Variants in FGF12 observed in about 807,000 individuals in gnomAD.
FGF12 encodes the protein fibroblast growth factor 12B.
In FGF12, 14 loss-of-function variants were observed where a neutral mutation model predicts 23.6. The observed-to-expected ratio is 0.59, with a 90% confidence interval of 0.39 to 0.93. The LOEUF (loss-of-function observed/expected upper bound fraction) is 0.93. Ranked by LOEUF, FGF12 falls within the 40% of genes least tolerant of loss-of-function variation. FGF12 has a pLI of 0.00. For synonymous variants in FGF12, 62 were observed against 77.3 expected, an observed-to-expected ratio of 0.80 and a Z score of 1.04; for missense variants, 175 against 217.8, an observed-to-expected ratio of 0.80 and a Z score of 1.24.
At position 192,715,059 on chromosome 3, in the gene FGF12, C is replaced by T. The variant is rs147342451; in HGVS notation, c.13+12122G>A. ...TTCTGGCCCTGACAGTGTTCTTGTA[C>T]GTATATCTTGCTTTGCACAGTAGAT... On this transcript the variant is annotated intron_variant, in intron 2 of 5. Coordinates refer to ENST00000445105, the MANE Select transcript of FGF12 (RefSeq NM_004113.6). Among the ~76,000 whole-genome samples, 173 of 152,190 alleles carry T rather than the reference C, an allele frequency of 1.1e-3. 1 individual carries two copies. The East Asian group carries it at 0.016, about 14-fold the overall frequency.
intron 4 of FGF12, among the ~76,000 whole-genome samples, chr3:192,301,966 C>A (rs1336217409): frequency 6.6e-6 from 1 of 152,126 alleles, no homozygotes; most frequent in Non-Finnish European, 1.5e-5. Flanking sequence ...TCTCTTACAC[C>A]TTTTGCCATG....
At chr3:192,182,115 C>A (rs1262623667) in intron 4 of FGF12, among the ~76,000 whole-genome samples, 1 of 152,012 alleles carries the variant, frequency 6.6e-6, no homozygotes, top group African/African-American at 2.4e-5. Context: ...TGGATACTGG[C>A]ACATATAAAC....
chr3:192,298,348 G>A lies in FGF12; in HGVS notation c.228+37013C>T, dbSNP rs199754540. Among the ~76,000 whole-genome samples, 8 of 152,320 alleles carry A rather than the reference G, an allele frequency of 5.3e-5. No homozygotes were observed. The East Asian group carries it at 1.4e-3, about 26-fold the overall frequency. ...ATTAAAGACAACAATAGAAGAACAG[G>A]AAGGTCGGAGAACAAAAGAAGAAAG... On this transcript the variant is annotated intron_variant, in intron 4 of 5. Transcript: ENST00000445105.
intron 2 of FGF12, among the ~76,000 whole-genome samples, chr3:192,429,783 C>T (rs1028098684): frequency 2.6e-5 from 3 of 115,320 alleles, no homozygotes; most frequent in South Asian, 3.0e-4. Flanking sequence ...TATCTCTTAA[C>T]GCCATTCTGG....
chr3:192,666,979 T>C (rs556929423), intron 2 of FGF12, among the ~76,000 whole-genome samples: 1 of 151,938 alleles, frequency 6.6e-6, no homozygotes, highest in Non-Finnish European at 1.5e-5. Context: ...CATCATAATA[T>C]AATCTTCACC....
intron 2 of FGF12, among the ~76,000 whole-genome samples, chr3:192,495,036 T>TG (rs1265713940): frequency 1.3e-5 from 2 of 152,070 alleles, no homozygotes; most frequent in Non-Finnish European, 2.9e-5. Flanking sequence ...AATTTTTGTA[T>TG]TTTTAGTAGA....
chr3:192,223,844 C>T (rs2108575816), intron 4 of FGF12, among the ~76,000 whole-genome samples: 1 of 152,112 alleles, frequency 6.6e-6, no homozygotes, highest in Non-Finnish European at 1.5e-5. Flanking sequence ...TTATATCATT[C>T]ACTATGACTA....
intron 2 of FGF12, among the ~76,000 whole-genome samples, chr3:192,630,442 A>G (rs1259518085): frequency 6.6e-6 from 1 of 152,208 alleles, no homozygotes; most frequent in Admixed American, 6.5e-5. Flanking sequence ...GCTAAAAAAA[A>G]AAAATTACCC....
chr3:192,551,393 C>G (rs9810743), intron 2 of FGF12, among the ~76,000 whole-genome samples: 1 of 152,106 alleles, frequency 6.6e-6, no homozygotes, highest in African/African-American at 2.4e-5. Flanking sequence ...AGGTTGCCCT[C>G]AGGCCCTTGG....
intron 4 of FGF12, among the ~76,000 whole-genome samples, chr3:192,175,333 G>C (rs1346915484): frequency 6.6e-6 from 1 of 152,108 alleles, no homozygotes; most frequent in Admixed American, 6.6e-5. Flanking sequence ...TATCTCATGA[G>C]TGTTTCTTTT....
At chr3:192,547,272 T>C (rs1482874454) in intron 2 of FGF12, among the ~76,000 whole-genome samples, 1 of 152,236 alleles carries the variant, frequency 6.6e-6, no homozygotes, top group Non-Finnish European at 1.5e-5. Context: ...AGTGTAAATG[T>C]ATCCATCAGC....
Position 192,406,814 on chromosome 3 carries a change from TTCC to T in FGF12, c.14-46279_14-46277del, listed in dbSNP as rs1720974347. ...AATTCTGAGCCCGACTTGTCCAGAC[TTCC>T]CAAGTGTCGCCCTTCATCCAATGGA... On this transcript the variant is annotated intron_variant, in intron 2 of 5. Transcript: ENST00000445105. Among the ~76,000 whole-genome samples the T allele has an allele frequency of 1.3e-5, 2 of 152,174 alleles. 1 individual carries two copies. Among genetic ancestry groups the T allele is most frequent in the South Asian group, 4.1e-4 (2 of 4,824 alleles).
chr3:192,486,274 G>A (rs1343449606), intron 2 of FGF12, among the ~76,000 whole-genome samples: 1 of 152,074 alleles, frequency 6.6e-6, no homozygotes, highest in Non-Finnish European at 1.5e-5. Flanking sequence ...ACTCAAATGA[G>A]TGAGACAGAT....
intron 2 of FGF12, among the ~76,000 whole-genome samples, chr3:192,469,125 G>T (rs1193318018): frequency 6.6e-6 from 1 of 152,058 alleles, no homozygotes; most frequent in African/African-American, 2.4e-5. Flanking sequence ...TCATTTTTTA[G>T]TATCACAAGA....
intron 2 of FGF12, among the ~76,000 whole-genome samples, chr3:192,512,426 T>A (rs890331064): frequency 6.6e-6 from 1 of 152,080 alleles, no homozygotes; most frequent in Non-Finnish European, 1.5e-5. Flanking sequence ...TGGTGTATAG[T>A]AGGCTTAAAG....
intron 2 of FGF12, among the ~76,000 whole-genome samples, chr3:192,511,956 A>T (rs1488705865): frequency 6.6e-6 from 1 of 152,210 alleles, no homozygotes; most frequent in African/African-American, 2.4e-5. Context: ...TGATTAGTTT[A>T]TATTTTCTTA....
chr3:192,489,403 G>A lies in FGF12; in HGVS notation c.14-128865C>T, dbSNP rs548367532. Among the ~76,000 whole-genome samples, 4 of 151,944 alleles carry A rather than the reference G, an allele frequency of 2.6e-5. No individual in the cohort carries two copies. The South Asian group carries it at 8.3e-4, about 32-fold the overall frequency. On this transcript the variant is annotated intron_variant, in intron 2 of 5. Transcript: ENST00000445105. Reference sequence around the variant, plus strand: ...CTCCAATGCCGTCATTGCTATAGAAGACCCATTTAATGGCCTATCTAAATC... The same window carrying A: ...CTCCAATGCCGTCATTGCTATAGAAAACCCATTTAATGGCCTATCTAAATC...
At chr3:192,524,704 G>C (rs1366577891) in intron 2 of FGF12, among the ~76,000 whole-genome samples, 1 of 152,140 alleles carries the variant, frequency 6.6e-6, no homozygotes, top group African/African-American at 2.4e-5. Context: ...TCACATACCA[G>C]GCAAAAGGCA....
At chr3:192,314,972 T>G (rs1716153084) in intron 4 of FGF12, among the ~76,000 whole-genome samples, 1 of 152,204 alleles carries the variant, frequency 6.6e-6, no homozygotes, top group Non-Finnish European at 1.5e-5. Context: ...CTAGAACTCT[T>G]CTGGATGAAC....
Sources: gnomAD v4.1 joint callset for allele counts (sites outside exome capture counted in the v4.1 genomes callset) on GRCh38, gnomAD v4.1.1 for gene constraint, MANE v1.5 for transcripts, NCBI Gene and HGNC (gene_info 2026-07-23, HGNC 2026-07-21) for gene names.